Variants in FMNL2 observed in about 807,000 individuals in gnomAD.
The protein encoded by FMNL2 is formin like 2.
A neutral mutation model predicts 130.2 loss-of-function variants in FMNL2; 51 were observed. That is an observed-to-expected ratio of 0.39 (90% CI 0.31 to 0.49). The LOEUF (loss-of-function observed/expected upper bound fraction) is 0.49. Ranked by LOEUF, FMNL2 falls within the 20% of genes least tolerant of loss-of-function variation. The probability of loss-of-function intolerance (pLI) is 0.85; values close to 1 mark genes in which losing one functional copy is unlikely to be tolerated. For synonymous variants in FMNL2, 465 were observed against 467.1 expected, an observed-to-expected ratio of 1.00 and a Z score of 0.06; for missense variants, 977 against 1,316.2, an observed-to-expected ratio of 0.74 and a Z score of 3.99.
At position 152,499,289 on chromosome 2, in the gene FMNL2, T is replaced by C. The variant is rs142825640; in HGVS notation, c.118-22654T>C. Among the ~76,000 whole-genome samples the C allele has an allele frequency of 4.7e-3, 715 of 152,312 alleles. 4 individuals carry two copies. Among genetic ancestry groups the C allele is most frequent in the Non-Finnish European group, 7.8e-3 (528 of 68,016 alleles). On this transcript the variant is annotated intron_variant, in intron 1 of 25. Coordinates refer to ENST00000288670, the MANE Select transcript of FMNL2 (RefSeq NM_052905.4). ...AAAAGGAAAGGCACAAAGGAATGAA[T>C]GAATCAGAATTTGCCTGGATGTGAT...
intron 9 of FMNL2, among the ~76,000 whole-genome samples, chr2:152,603,215 A>G (rs1303316861): frequency 6.6e-6 from 1 of 152,158 alleles, no homozygotes; most frequent in Non-Finnish European, 1.5e-5. Flanking sequence ...TTGGCAGCAA[A>G]GCAGCCTTGG....
chr2:152,463,286 T>G (rs964798428), intron 1 of FMNL2, among the ~76,000 whole-genome samples: 8 of 152,222 alleles, frequency 5.3e-5, no homozygotes, highest in Non-Finnish European at 8.8e-5. Flanking sequence ...CATTTTCATA[T>G]GTTAGACATG....
chr2:152,538,091 CA>C (rs1694094931), intron 2 of FMNL2, among the ~76,000 whole-genome samples: 2 of 152,134 alleles, frequency 1.3e-5, no homozygotes. Flanking sequence ...AGTACTGCCC[CA>C]CATGAAAAGT....
intron 15 of FMNL2, 96 bp from the exon 16 acceptor site, chr2:152,625,342 T>C: frequency 7.0e-7 from 1 of 1,419,830 alleles, no homozygotes. Flanking sequence ...CTTCCTCCAG[T>C]GTCAAAGTGT....
Position 152,558,772 on chromosome 2 carries a change from A to C in FMNL2, c.392A>C (p.Lys131Thr), listed in dbSNP as rs747106215. ...AGAGAATTTCTGAATGAAGAAAACA[A>C]AGGTCTTGATGTTCTAGTGGAATAT... is the stretch of plus-strand genomic sequence containing the variant. ...WVREFLNEEN[K>T]GLDVLVEYLS... Residue 131 changes from lysine (K) to threonine (T), a missense_variant, in exon 5 of 26, where the codon AAA (lysine) becomes ACA (threonine). This residue lies in a region of FMNL2 where 689 missense variants were observed against 995.9 expected (regional missense o/e 0.69). Transcript: ENST00000288670. The C allele has an allele frequency of 6.2e-6, 10 of 1,613,358 alleles. No homozygotes were observed. The African/African-American group carries it at 1.3e-4, about 22-fold the overall frequency.
intron 1 of FMNL2, among the ~76,000 whole-genome samples, chr2:152,400,980 C>T (rs1297802478): frequency 6.6e-6 from 1 of 152,252 alleles, no homozygotes; most frequent in African/African-American, 2.4e-5. Flanking sequence ...GTTGAACCTT[C>T]ATTTGGCTGC....
At chr2:152,388,765 A>T (rs1684932313) in intron 1 of FMNL2, among the ~76,000 whole-genome samples, 1 of 152,224 alleles carries the variant, frequency 6.6e-6, no homozygotes. Context: ...GTTTTCAAAA[A>T]GAAGTTAGTG....
chr2:152,352,158 A>T (rs1398018241), intron 1 of FMNL2, among the ~76,000 whole-genome samples: 2 of 152,200 alleles, frequency 1.3e-5, no homozygotes, highest in Non-Finnish European at 2.9e-5. Flanking sequence ...TAAGTCTTTA[A>T]ATACATATTA....
intron 9 of FMNL2, among the ~76,000 whole-genome samples, chr2:152,604,053 C>T (rs1195326187): frequency 3.3e-5 from 5 of 150,860 alleles, no homozygotes; most frequent in African/African-American, 7.3e-5. Context: ...TATCATTTTT[C>T]GAGGTTCCAT....
intron 1 of FMNL2, among the ~76,000 whole-genome samples, chr2:152,407,198 G>T (rs201120111): frequency 1.2e-4 from 18 of 148,998 alleles, no homozygotes; most frequent in Admixed American, 3.3e-4. Flanking sequence ...TTCTGTTTTT[G>T]TTTTTTTTTT....
chr2:152,570,112 T>C (rs1696095193), intron 6 of FMNL2, among the ~76,000 whole-genome samples: 1 of 152,234 alleles, frequency 6.6e-6, no homozygotes, highest in Admixed American at 6.5e-5. Context: ...TTATTAATAT[T>C]TTATGTACAT....
intron 23 of FMNL2, 22 bp downstream of exon 23, chr2:152,637,696 G>C (rs1682742100): frequency 6.2e-7 from 1 of 1,604,406 alleles, no homozygotes; most frequent in Non-Finnish European, 8.5e-7. Context: ...GGCCCTCCTT[G>C]CCCTTATTTC....
At chr2:152,516,221 C>T (rs1191092694) in intron 1 of FMNL2, among the ~76,000 whole-genome samples, 8 of 152,022 alleles carry the variant, frequency 5.3e-5, no homozygotes, top group South Asian at 4.2e-4. Context: ...ATCCGTTGCA[C>T]AATAATATTA....
At chr2:152,638,786 T>A (rs1013367214) in intron 23 of FMNL2, among the ~76,000 whole-genome samples, 9 of 152,194 alleles carry the variant, frequency 5.9e-5, no homozygotes, top group African/African-American at 2.2e-4. Context: ...TGTGTTTATG[T>A]GCTGTAGAGA....
At chr2:152,427,024 T>C (rs1203605418) in intron 1 of FMNL2, among the ~76,000 whole-genome samples, 1 of 152,242 alleles carries the variant, frequency 6.6e-6, no homozygotes, top group Non-Finnish European at 1.5e-5. Flanking sequence ...TCAGTGTTTT[T>C]GTTTTACAAA....
chr2:152,645,512 A>T (rs765439768), intron 25 of FMNL2: 4 of 1,289,844 alleles, frequency 3.1e-6, no homozygotes, highest in African/African-American at 1.5e-5. Flanking sequence ...CCGGTGGTGG[A>T]GGATACACAG....
intron 1 of FMNL2, among the ~76,000 whole-genome samples, chr2:152,371,532 G>A (rs370292075): frequency 2.6e-5 from 4 of 151,880 alleles, no homozygotes; most frequent in East Asian, 3.9e-4. Flanking sequence ...AGCTGGGCGT[G>A]GTGCCATGTG....
At chr2:152,611,713 G>C in intron 11 of FMNL2, 108 bp downstream of exon 11, 1 of 683,008 alleles carries the variant, frequency 1.5e-6, no homozygotes, top group South Asian at 1.8e-5. Flanking sequence ...GCTCTATGCA[G>C]TCAACTACTG....
intron 1 of FMNL2, among the ~76,000 whole-genome samples, chr2:152,513,255 T>G (rs1265221602): frequency 6.6e-6 from 1 of 152,216 alleles, no homozygotes; most frequent in African/African-American, 2.4e-5. Context: ...TCAGACTAAT[T>G]AATATATCCA....
Sources: gnomAD v4.1 joint callset for allele counts (sites outside exome capture counted in the v4.1 genomes callset) on GRCh38, gnomAD v4.1.1 for gene constraint, gnomAD v4.1.1 regional missense constraint, MANE v1.5 for transcripts, NCBI Gene and HGNC (gene_info 2026-07-23, HGNC 2026-07-21) for gene names.